The following IGSF10 variants were observed in gnomAD, a reference collection of about 807,000 sequenced individuals.
IGSF10 encodes the protein immunoglobulin superfamily member 10, also known as calvaria mechanical force protein 608.
A neutral mutation model predicts 128.2 loss-of-function variants in IGSF10; 126 were observed. That is an observed-to-expected ratio of 0.98 (90% CI 0.85 to 1.14). IGSF10 has a LOEUF of 1.14. Among genes scored for constraint, IGSF10 ranks in the 50% most tolerant of loss-of-function variants. The pLI is 0.00. For missense variants in IGSF10, 3,295 were observed against 3,149.8 expected (o/e 1.05, Z -1.10); for synonymous variants, 1,185 against 1,146.2 (o/e 1.03, Z -0.68).
the IGSF10 span, among the ~76,000 whole-genome samples, chr3:151,516,837 A>G: frequency 1.3e-5 from 2 of 152,154 alleles, no homozygotes; most frequent in Non-Finnish European, 2.9e-5. Context: ...TTTTCTAATC[A>G]CTAAGCAATG....
At chr3:151,537,359 A>T in the IGSF10 span, among the ~76,000 whole-genome samples, 1 of 152,320 alleles carries the variant, frequency 6.6e-6, no homozygotes, top group African/African-American at 2.4e-5. Context: ...TGAAGAGAAT[A>T]ACAAGCTATT....
chr3:151,464,272 T>C (rs888798425), upstream of IGSF10, among the ~76,000 whole-genome samples: 15 of 152,214 alleles, frequency 9.9e-5, no homozygotes, highest in African/African-American at 3.6e-4. Flanking sequence ...CCTCTTTTTG[T>C]TACTCTTTTC....
chr3:151,569,668 T>C, the IGSF10 span, among the ~76,000 whole-genome samples: 5 of 152,212 alleles, frequency 3.3e-5, no homozygotes, highest in Non-Finnish European at 5.9e-5. Flanking sequence ...CATCTCTAGA[T>C]AATAGAAATA....
the IGSF10 span, among the ~76,000 whole-genome samples, chr3:151,480,062 G>T: frequency 1.4e-3 from 217 of 152,068 alleles, 2 homozygotes; most frequent in African/African-American, 4.9e-3. Flanking sequence ...TGCATTTACT[G>T]CTTTGATTTT....
chr3:151,469,810 G>A, the IGSF10 span, among the ~76,000 whole-genome samples: 38 of 152,260 alleles, frequency 2.5e-4, no homozygotes, highest in African/African-American at 8.9e-4. Flanking sequence ...TCCCATGCAG[G>A]AGCCCTTGTA....
rs766257083 is a variant in IGSF10, at chr3:151,447,638, T to TG, written c.2342dup (p.Val782SerfsTer11). On this transcript the variant is annotated frameshift_variant, in exon 6 of 8. Coordinates refer to ENST00000282466, the MANE Select transcript of IGSF10 (RefSeq NM_178822.5). LOFTEE classifies it high-confidence loss of function. ...GTATGTTTGGGAGTTGGGTGACCAC[T>TG]GGGGGTGGGCTCACTGTGGTATTTT... is the stretch of plus-strand genomic sequence containing the variant. The TG allele has an allele frequency of 6.2e-6, 10 of 1,614,022 alleles. No individual in the cohort carries two copies. In the East Asian group the frequency reaches 2.2e-4, roughly 36 times the overall value.
the IGSF10 span, among the ~76,000 whole-genome samples, chr3:151,482,707 T>C: frequency 1.3e-5 from 2 of 152,126 alleles, no homozygotes; most frequent in South Asian, 2.1e-4. Flanking sequence ...GGTTCCAAAA[T>C]AGATTCAACC....
chr3:151,435,617 A>ATAAT (rs1720067535), downstream of IGSF10: 2 of 59,436 alleles, frequency 3.4e-5, no homozygotes, highest in Admixed American at 1.8e-4. Flanking sequence ...TAAAGCTCCT[A>ATAAT]TAATTCTTAA....
chr3:151,478,445 T>C, the IGSF10 span, among the ~76,000 whole-genome samples: 145 of 152,338 alleles, frequency 9.5e-4, 2 homozygotes, highest in Non-Finnish European at 3.5e-4. Flanking sequence ...AAAAGTCACT[T>C]TTTGGACAGA....
the IGSF10 span, among the ~76,000 whole-genome samples, chr3:151,513,851 T>C: frequency 6.6e-6 from 1 of 152,124 alleles, no homozygotes; most frequent in Non-Finnish European, 1.5e-5. Flanking sequence ...ACCAAAATCA[T>C]GAGTGAGCTC....
chr3:151,521,591 A>G, the IGSF10 span, among the ~76,000 whole-genome samples: 5 of 152,058 alleles, frequency 3.3e-5, no homozygotes, highest in Non-Finnish European at 7.4e-5. Context: ...GAAATTAAAC[A>G]ACATGCTCCT....
intron 7 of IGSF10, among the ~76,000 whole-genome samples, chr3:151,442,751 A>G (rs1720935569): frequency 6.6e-6 from 1 of 152,202 alleles, no homozygotes; most frequent in Non-Finnish European, 1.5e-5. Flanking sequence ...AATTCTGCCT[A>G]AAATATAAAA....
At chr3:151,549,383 C>T in the IGSF10 span, among the ~76,000 whole-genome samples, 1 of 152,294 alleles carries the variant, frequency 6.6e-6, no homozygotes, top group East Asian at 1.9e-4. Context: ...CAGGAGAGGA[C>T]AGTTGTTTAG....
At chr3:151,449,407 C>T in intron 5 of IGSF10, 142 bp from the exon 6 acceptor site, 1 of 796,160 alleles carries the variant, frequency 1.3e-6, no homozygotes, top group Non-Finnish European at 1.9e-6. Flanking sequence ...TTTTTTGCTT[C>T]TGAATTTGAT....
chr3:151,534,801 A>ATGTGTGTATG, the IGSF10 span, among the ~76,000 whole-genome samples: 1 of 149,078 alleles, frequency 6.7e-6, no homozygotes, highest in Non-Finnish European at 1.5e-5. Context: ...TTTAAAGTGT[A>ATGTGTGTATG]TGTGTGTGTG....
chr3:151,520,918 C>T, the IGSF10 span, among the ~76,000 whole-genome samples: 2 of 150,618 alleles, frequency 1.3e-5, no homozygotes, highest in Admixed American at 6.7e-5. Context: ...AAATGCCCCA[C>T]TTAAAAGGCA....
Position 151,437,835 on chromosome 3 carries a change from T to G in IGSF10, c.6726A>C (p.Thr2242=), listed in dbSNP as rs139571185. 6.2e-7 allele frequency: 1 copy of G among 1,613,958 alleles called. No homozygotes were observed. The highest frequency in any genetic ancestry group is 1.3e-5 in the African/African-American group (1 of 74,942). The part of the protein sequence containing the change: ...SKPPLINGLY[T]NRTVIKATAV... ...CTGTGGCTTTAATAACAGTTCTGTT[T>G]GTATACAGACCATTGATTAATGGAG... Residue 2242 remains threonine (T), a synonymous_variant, in exon 8 of 8, where the codon ACA becomes ACC. Coordinates refer to ENST00000282466, the MANE Select transcript of IGSF10 (RefSeq NM_178822.5).
chr3:151,557,228 C>G, the IGSF10 span, among the ~76,000 whole-genome samples: 43 of 152,266 alleles, frequency 2.8e-4, no homozygotes, highest in African/African-American at 1.0e-3. Flanking sequence ...ATGGTTGAAG[C>G]TCAAACACCC....
At chr3:151,547,415 TATAA>T in the IGSF10 span, among the ~76,000 whole-genome samples, 1 of 98,998 alleles carries the variant, frequency 1.0e-5, no homozygotes, top group African/African-American at 4.4e-5. Context: ...CCATATATTA[TATAA>T]ATATATATAT....
Sources: gnomAD v4.1 joint callset for allele counts (sites outside exome capture counted in the v4.1 genomes callset) on GRCh38, gnomAD v4.1.1 for gene constraint, MANE v1.5 for transcripts, NCBI Gene and HGNC (gene_info 2026-07-23, HGNC 2026-07-21) for gene names.